Variants in CEMIP2 observed in about 807,000 individuals in gnomAD.
CEMIP2 encodes cell surface hyaluronidase CEMIP2.
Under a neutral mutation model 146.9 loss-of-function variants are expected in CEMIP2, and 79 were observed. The ratio of observed to expected loss-of-function variants is 0.54; its 90% CI spans 0.45 to 0.65. The LOEUF (loss-of-function observed/expected upper bound fraction) is 0.65. Ranked by LOEUF, CEMIP2 falls within the 30% of genes least tolerant of loss-of-function variation. The pLI is 0.00. For missense variants in CEMIP2, 1,596 were observed against 1,696.2 expected (o/e 0.94, Z 1.04); for synonymous variants, 601 against 606.3 (o/e 0.99, Z 0.13).
chr9:71,766,018 C>A (rs1824779470), intron 1 of CEMIP2, among the ~76,000 whole-genome samples: 1 of 152,040 alleles, frequency 6.6e-6, no homozygotes. Flanking sequence ...TACAGCACTC[C>A]ATGTGAGTCT....
At chr9:71,733,741 G>A (rs1823684806) in intron 6 of CEMIP2, among the ~76,000 whole-genome samples, 3 of 152,272 alleles carry the variant, frequency 2.0e-5, no homozygotes, top group Admixed American at 2.0e-4. Flanking sequence ...CATAAATGAA[G>A]CAATGTACAA....
intron 1 of CEMIP2, among the ~76,000 whole-genome samples, chr9:71,764,308 T>C (rs1824724165): frequency 1.3e-5 from 2 of 152,132 alleles, no homozygotes; most frequent in South Asian, 2.1e-4. Flanking sequence ...AGTGTCTGCC[T>C]TAAACCTGAA....
intron 6 of CEMIP2, among the ~76,000 whole-genome samples, chr9:71,733,974 G>T (rs1448550961): frequency 6.6e-6 from 1 of 152,068 alleles, no homozygotes; most frequent in African/African-American, 2.4e-5. Context: ...CTCCCTAGCA[G>T]CTGGGATTAC....
chr9:71,728,280 T>C (rs1031087514), intron 10 of CEMIP2, among the ~76,000 whole-genome samples: 1,858 of 12,176 alleles, frequency 0.15, 255 homozygotes, highest in East Asian at 0.22. Flanking sequence ...TATATATATA[T>C]GTATATATAT....
At chr9:71,758,989 G>C (rs1824546872) in intron 1 of CEMIP2, among the ~76,000 whole-genome samples, 1 of 152,102 alleles carries the variant, frequency 6.6e-6, no homozygotes, top group African/African-American at 2.4e-5. Flanking sequence ...ATGTTTCCAA[G>C]AAATAAGACA....
At chr9:71,739,944 A>T in intron 5 of CEMIP2, 119 bp downstream of exon 5, 1 of 941,430 alleles carries the variant, frequency 1.1e-6, no homozygotes. Flanking sequence ...TTCAACTTCA[A>T]CTAGTTGAGA....
chr9:71,728,241 A>ACG lies in CEMIP2; in HGVS notation c.2049+1603_2049+1604insCG, dbSNP rs1554684647. Among the ~76,000 whole-genome samples, 150 of 48,058 alleles carry ACG rather than the reference A, an allele frequency of 3.1e-3. 9 individuals are homozygous for ACG. The highest frequency in any genetic ancestry group is 4.6e-3 in the Non-Finnish European group (102 of 21,966). 31.5% of individuals were successfully genotyped at this position (48,058 alleles called of 152,430 possible). A position where few individuals can be genotyped will look rare whatever the true frequency, so the allele number is the denominator to read the frequency against. On this transcript the variant is annotated intron_variant, in intron 10 of 23. Transcript: ENST00000377044. ...TCTCTCTCTCTCTCTCTATATATAT[A>ACG]TATATATATGTATATACACGTATAT...
At chr9:71,715,927 T>G (rs1306630743) in intron 14 of CEMIP2, among the ~76,000 whole-genome samples, 2 of 150,900 alleles carry the variant, frequency 1.3e-5, no homozygotes, top group Non-Finnish European at 3.0e-5. Context: ...TGTCCAGCCC[T>G]CATATGAATT....
In CEMIP2 at chr9:71,745,219, T is replaced by C. The variant is rs752960053; in HGVS notation, c.833A>G (p.Lys278Arg). 45 of 1,613,966 alleles carry C rather than the reference T, an allele frequency of 2.8e-5. 1 individual carries two copies. The South Asian group carries it at 4.7e-4, about 17-fold the overall frequency. The change falls in exon 4 of 24, where the codon AAA (lysine) becomes AGA (arginine). Residue 278 changes from lysine to arginine, a missense_variant. Lys to Arg is a conservative substitution (Grantham distance 26, BLOSUM62 2). Coordinates refer to ENST00000377044, the MANE Select transcript of CEMIP2 (RefSeq NM_013390.3). ...NVRVIDQDTA[K>R]ILESERFDTH... Reference sequence around the variant, plus strand: ...ATCAAATCTCTCACTTTCCAAAATTTTGGCCGTGTCTTGGTCAATGACCCT... The same window carrying C: ...ATCAAATCTCTCACTTTCCAAAATTCTGGCCGTGTCTTGGTCAATGACCCT...
intron 1 of CEMIP2, among the ~76,000 whole-genome samples, chr9:71,760,654 G>GA (rs1824605596): frequency 7.0e-6 from 1 of 143,722 alleles, no homozygotes; most frequent in Non-Finnish European, 1.6e-5. Flanking sequence ...AACATAAAAG[G>GA]AAAAAACTGC....
intron 10 of CEMIP2, among the ~76,000 whole-genome samples, chr9:71,728,617 T>C (rs1387038354): frequency 6.6e-6 from 1 of 151,942 alleles, no homozygotes; most frequent in Non-Finnish European, 1.5e-5. Flanking sequence ...TTTAGTCTCT[T>C]AAAAATTATT....
intron 1 of CEMIP2, among the ~76,000 whole-genome samples, chr9:71,755,377 A>ACACG (rs1257650784): frequency 6.8e-6 from 1 of 147,164 alleles, no homozygotes; most frequent in African/African-American, 2.6e-5. Flanking sequence ...ACACACACAC[A>ACACG]CACAAAATTA....
chr9:71,728,272 T>TATATATATATATATATAC (rs1823479618), intron 10 of CEMIP2, among the ~76,000 whole-genome samples: 3 of 9,826 alleles, frequency 3.1e-4, no homozygotes, highest in African/African-American at 5.4e-4. Flanking sequence ...TATATATATA[T>TATATATATATATATATAC]ATATATATGT....
intron 1 of CEMIP2, among the ~76,000 whole-genome samples, chr9:71,760,258 A>G (rs1006334566): frequency 1.3e-5 from 2 of 152,218 alleles, no homozygotes; most frequent in Non-Finnish European, 2.9e-5. Flanking sequence ...GTATTTAAGG[A>G]ATTCAGATGA....
Position 71,756,319 on chromosome 9 carries a change from G to A in CEMIP2, c.-12-5934C>T, listed in dbSNP as rs73485503. On this transcript the variant is annotated intron_variant, in intron 1 of 23. Coordinates refer to ENST00000377044, the MANE Select transcript of CEMIP2 (RefSeq NM_013390.3). ...ATATACCTAGCATATATATATGTGC[G>A]TGTGTATGTGTGTGTGTATATATAT... is the stretch of plus-strand genomic sequence containing the variant. 7.8e-4 allele frequency among the ~76,000 whole-genome samples: 115 copies of A among 148,198 alleles called. 1 individual carries two copies. Among genetic ancestry groups the A allele is most frequent in the African/African-American group, 2.7e-3 (108 of 40,598 alleles).
chr9:71,705,881 C>T (rs950966354), intron 17 of CEMIP2, among the ~76,000 whole-genome samples: 2 of 152,136 alleles, frequency 1.3e-5, no homozygotes, highest in Non-Finnish European at 2.9e-5. Flanking sequence ...AACCTTAACT[C>T]TCCCTATATC....
intron 12 of CEMIP2, among the ~76,000 whole-genome samples, chr9:71,720,231 T>A (rs947761415): frequency 2.0e-5 from 3 of 152,084 alleles, no homozygotes; most frequent in African/African-American, 7.2e-5. Flanking sequence ...TTTTCCATCT[T>A]TGGATTCCTA....
At chr9:71,712,510 T>C (rs1234570755) in intron 15 of CEMIP2, 5 of 344,594 alleles carry the variant, frequency 1.5e-5, no homozygotes, top group Non-Finnish European at 2.6e-5. Flanking sequence ...TATCATAGAT[T>C]GGGTGGGGAG....
Position 71,716,526 on chromosome 9 carries a change from G to T in CEMIP2, c.2426C>A (p.Thr809Asn). 1 of 1,597,828 alleles carries T rather than the reference G, an allele frequency of 6.3e-7. No individual in the cohort carries two copies. The highest frequency in any genetic ancestry group is 8.5e-7 in the Non-Finnish European group (1 of 1,173,094). ...TTAAGCAATTACAAACCTGGCAAAG[G>T]TCAGTCCTATTCCATTATCTGCAAA... ...SAFADNGIGLTFASDGSFPSD... is the reference protein window; with the variant it reads ...SAFADNGIGLNFASDGSFPSD... Residue 809 changes from threonine (T) to asparagine (N), a missense_variant, in exon 14 of 24, where the codon ACC becomes AAC. Thr to Asn is a moderately conservative substitution (Grantham distance 65). Transcript: ENST00000377044.
Sources: gnomAD v4.1 joint callset for allele counts (sites outside exome capture counted in the v4.1 genomes callset) on GRCh38, gnomAD v4.1.1 for gene constraint, MANE v1.5 for transcripts, NCBI Gene and HGNC (gene_info 2026-07-23, HGNC 2026-07-21) for gene names.